The following ERBB4 variants were observed in gnomAD, a reference collection of about 807,000 sequenced individuals.
ERBB4 encodes receptor tyrosine-protein kinase erbB-4.
A neutral mutation model predicts 158.0 loss-of-function variants in ERBB4; 42 were observed. That is an observed-to-expected ratio of 0.27 (90% CI 0.21 to 0.34). The LOEUF is 0.34. Ranked by LOEUF, ERBB4 falls within the 10% of genes least tolerant of loss-of-function variation. ERBB4 has a pLI of 1.00. For synonymous variants in ERBB4, 583 were observed against 558.7 expected, an observed-to-expected ratio of 1.04 and a Z score of -0.61; for missense variants, 1,333 against 1,624.1, an observed-to-expected ratio of 0.82 and a Z score of 3.08.
intron 2 of ERBB4, among the ~76,000 whole-genome samples, chr2:211,964,068 A>G (rs6744796): frequency 0.3 from 45,770 of 151,974 alleles, 7,143 homozygotes; most frequent in South Asian, 0.44. Flanking sequence ...GACACATGGT[A>G]TTTCTCTCTC....
Position 212,091,946 on chromosome 2 carries a change from G to A in ERBB4, c.234+32806C>T, listed in dbSNP as rs550525469. 4.6e-5 allele frequency among the ~76,000 whole-genome samples: 7 copies of A among 151,966 alleles called. No homozygotes were observed. In the South Asian group the frequency reaches 1.5e-3, roughly 32 times the overall value. On this transcript the variant is annotated intron_variant, in intron 2 of 27. Transcript: ENST00000342788. ...CTTTATATTAGTAAATGATCATTAC[G>A]AAGCAAATACTCATCACTCTCAGTA... is the stretch of plus-strand genomic sequence containing the variant.
At chr2:212,284,030 A>G (rs1015136112) in intron 1 of ERBB4, among the ~76,000 whole-genome samples, 2 of 140,716 alleles carry the variant, frequency 1.4e-5, no homozygotes, top group Admixed American at 6.8e-5. Flanking sequence ...TTTTCTGGGT[A>G]CAGTGAACAT....
intron 1 of ERBB4, among the ~76,000 whole-genome samples, chr2:212,305,472 G>C (rs2086777983): frequency 6.6e-6 from 1 of 151,082 alleles, no homozygotes; most frequent in Non-Finnish European, 1.5e-5. Flanking sequence ...CTGTAACTCT[G>C]TTTCTACTAC....
chr2:211,739,615 C>A (rs2106178306), intron 5 of ERBB4, among the ~76,000 whole-genome samples: 1 of 152,276 alleles, frequency 6.6e-6, no homozygotes, highest in Middle Eastern at 3.4e-3. Context: ...AGGCACATGC[C>A]ACCAAGCCCA....
At chr2:212,443,553 C>G (rs1000576638) in intron 1 of ERBB4, among the ~76,000 whole-genome samples, 1 of 152,164 alleles carries the variant, frequency 6.6e-6, no homozygotes, top group African/African-American at 2.4e-5. Flanking sequence ...CAACACATTC[C>G]TCATTTGGGT....
chr2:211,868,071 T>A (rs1471976290), intron 3 of ERBB4, among the ~76,000 whole-genome samples: 1 of 152,230 alleles, frequency 6.6e-6, no homozygotes, highest in Non-Finnish European at 1.5e-5. Context: ...GTGTTTCCAG[T>A]ACATAGAACT....
intron 2 of ERBB4, among the ~76,000 whole-genome samples, chr2:211,970,580 T>C (rs911391925): frequency 3.3e-5 from 5 of 152,196 alleles, no homozygotes; most frequent in African/African-American, 1.2e-4. Flanking sequence ...TATATAGATT[T>C]ACAATAGTTA....
At chr2:211,936,036 T>C (rs971572554) in intron 3 of ERBB4, among the ~76,000 whole-genome samples, 12 of 152,182 alleles carry the variant, frequency 7.9e-5, no homozygotes, top group Non-Finnish European at 1.8e-4. Context: ...ATTCTAGTTA[T>C]ATGAATAATT....
intron 20 of ERBB4, among the ~76,000 whole-genome samples, chr2:211,544,535 G>T (rs1274262314): frequency 2.0e-5 from 3 of 151,872 alleles, no homozygotes; most frequent in African/African-American, 7.3e-5. Context: ...ATGCAACCTT[G>T]AACACACTTA....
intron 20 of ERBB4, among the ~76,000 whole-genome samples, chr2:211,431,424 A>C (rs1178135298): frequency 6.6e-6 from 1 of 152,210 alleles, no homozygotes; most frequent in African/African-American, 2.4e-5. Flanking sequence ...GTAGTAAATA[A>C]GCTAACATAT....
At chr2:212,081,844 T>C (rs1194995636) in intron 2 of ERBB4, among the ~76,000 whole-genome samples, 1 of 152,152 alleles carries the variant, frequency 6.6e-6, no homozygotes, top group Non-Finnish European at 1.5e-5. Flanking sequence ...GTTTTTTATA[T>C]GTAACATTAA....
intron 3 of ERBB4, among the ~76,000 whole-genome samples, chr2:211,788,858 T>C (rs546503190): frequency 6.6e-6 from 1 of 152,270 alleles, no homozygotes; most frequent in East Asian, 1.9e-4. Flanking sequence ...TCGATAAGAT[T>C]GCCAATTATT....
At chr2:211,720,039 A>G (rs2106114154) in intron 7 of ERBB4, among the ~76,000 whole-genome samples, 1 of 152,316 alleles carries the variant, frequency 6.6e-6, no homozygotes, top group Admixed American at 6.5e-5. Context: ...TTGTCAAGGA[A>G]AAACAAAATC....
intron 19 of ERBB4, among the ~76,000 whole-genome samples, chr2:211,612,316 C>A (rs922258141): frequency 1.3e-5 from 2 of 152,004 alleles, no homozygotes; most frequent in African/African-American, 4.8e-5. Flanking sequence ...CATAGATATG[C>A]AGTGATGGAG....
Position 211,702,044 on chromosome 2 carries a change from G to GTAT in ERBB4, c.1409_1411dup (p.His470_Thr471insAsn). On this transcript the variant is annotated inframe_insertion, in exon 12 of 28. Coordinates refer to ENST00000342788, the MANE Select transcript of ERBB4 (RefSeq NM_005235.3). ...GCTGAAGAGTGTTGTCCAGTTAATG[G>GTAT]TATGATAATAACACAGGTTGCTGTT... 6.2e-7 allele frequency: 1 copy of GTAT among 1,613,744 alleles called. No individual in the cohort carries two copies. The highest frequency in any genetic ancestry group is 8.5e-7 in the Non-Finnish European group (1 of 1,179,734).
intron 1 of ERBB4, among the ~76,000 whole-genome samples, chr2:212,530,691 C>A (rs377460765): frequency 6.6e-6 from 1 of 152,102 alleles, no homozygotes; most frequent in Non-Finnish European, 1.5e-5. Flanking sequence ...AACAAGCACA[C>A]GCATTTTTTG....
At chr2:212,103,009 G>T (rs1031695631) in intron 2 of ERBB4, among the ~76,000 whole-genome samples, 1 of 151,876 alleles carries the variant, frequency 6.6e-6, no homozygotes, top group African/African-American at 2.4e-5. Context: ...CATTTTCCAC[G>T]CAGCAATGTT....
intron 2 of ERBB4, among the ~76,000 whole-genome samples, chr2:212,052,088 C>T (rs1410092526): frequency 6.6e-6 from 1 of 152,142 alleles, no homozygotes; most frequent in Non-Finnish European, 1.5e-5. Context: ...GCAGACCCAC[C>T]TGCAATCTGG....
chr2:212,435,978 G>T (rs2092127415), intron 1 of ERBB4, among the ~76,000 whole-genome samples: 1 of 151,816 alleles, frequency 6.6e-6, no homozygotes, highest in South Asian at 2.1e-4. Flanking sequence ...GGTTAAAAAT[G>T]ATTCTCTATT....
Sources: gnomAD v4.1 joint callset for allele counts (sites outside exome capture counted in the v4.1 genomes callset) on GRCh38, gnomAD v4.1.1 for gene constraint, MANE v1.5 for transcripts, NCBI Gene and HGNC (gene_info 2026-07-23, HGNC 2026-07-21) for gene names.